DMD: variants seen among roughly 807,000 people sequenced by gnomAD.
DMD encodes the protein mutant dystrophin.
DMD carries 63 observed loss-of-function variants against 330.1 expected under a neutral mutation model. That is an observed-to-expected ratio of 0.19 (90% CI 0.16 to 0.24). The LOEUF (loss-of-function observed/expected upper bound fraction) is 0.24. Among genes scored for constraint, DMD ranks in the 10% least tolerant of loss-of-function variants. The probability of loss-of-function intolerance (pLI) is 1.00; values close to 1 mark genes in which losing one functional copy is unlikely to be tolerated. For missense variants in DMD, 3,344 were observed against 2,684.1 expected (o/e 1.25, Z -5.43); for synonymous variants, 1,223 against 959.8 (o/e 1.27, Z -5.07).
chrX:32,017,716 A>G (rs1322036000), intron 44 of DMD, among the ~76,000 whole-genome samples: 2 of 111,933 alleles, frequency 1.8e-5, no homozygotes, highest in Non-Finnish European at 3.8e-5. Context: ...TTCCTGGTGT[A>G]GTGCCTTTCA....
At chrX:31,413,060 T>C (rs1414521264) in intron 60 of DMD, among the ~76,000 whole-genome samples, 1 of 112,195 alleles carries the variant, frequency 8.9e-6, no homozygotes, top group Non-Finnish European at 1.9e-5. Context: ...ACAATCTTGG[T>C]TGCCCTGCTG....
At chrX:31,493,163 C>A (rs1007944107) in intron 57 of DMD, among the ~76,000 whole-genome samples, 1 of 111,894 alleles carries the variant, frequency 8.9e-6, no homozygotes, top group South Asian at 3.7e-4. Flanking sequence ...GTCTCAATAG[C>A]CTTCCTTTAT....
intron 71 of DMD, among the ~76,000 whole-genome samples, chrX:31,177,531 C>G (rs932997893): frequency 1.8e-5 from 2 of 111,449 alleles, no homozygotes; most frequent in African/African-American, 6.5e-5. Context: ...TAAAAAGCAT[C>G]GAATCTCAAG....
intron 52 of DMD, among the ~76,000 whole-genome samples, chrX:31,721,712 C>CTATATATA (rs2085547634): frequency 3.2e-5 from 2 of 62,050 alleles, no homozygotes; most frequent in East Asian, 4.8e-4. Context: ...CTCTCTCTCT[C>CTATATATA]TCTCTCTATA....
intron 12 of DMD, among the ~76,000 whole-genome samples, chrX:32,601,238 G>A (rs1035129388): frequency 1.8e-5 from 2 of 110,925 alleles, no homozygotes; most frequent in African/African-American, 6.5e-5. Flanking sequence ...ATCTATTTAC[G>A]GTATATAACT....
At chrX:32,558,766 A>C (rs779706199) in intron 16 of DMD, among the ~76,000 whole-genome samples, 117 of 110,759 alleles carry the variant, frequency 1.1e-3, no homozygotes, top group African/African-American at 3.7e-3. Flanking sequence ...CTCAGACTGA[A>C]TGTATTAAAT....
At chrX:32,611,342 T>A (rs1409404943) in intron 12 of DMD, among the ~76,000 whole-genome samples, 2 of 111,111 alleles carry the variant, frequency 1.8e-5, no homozygotes, top group Non-Finnish European at 3.8e-5. Flanking sequence ...TTATGCCCTT[T>A]AAATAAATAA....
chrX:32,261,293 A>G (rs767478788), intron 43 of DMD, among the ~76,000 whole-genome samples: 1 of 111,992 alleles, frequency 8.9e-6, no homozygotes, highest in East Asian at 2.8e-4. Context: ...CTCTTTCAAA[A>G]GAAACAGTGA....
chrX:33,318,330 T>A (rs1413439293), intron 1 of DMD, among the ~76,000 whole-genome samples: 1 of 111,294 alleles, frequency 9.0e-6, no homozygotes, highest in Admixed American at 9.6e-5. Flanking sequence ...ACAATTAATT[T>A]GTTTTGATCT....
intron 43 of DMD, among the ~76,000 whole-genome samples, chrX:32,269,472 C>G (rs1273266546): frequency 8.9e-6 from 1 of 111,987 alleles, no homozygotes; most frequent in African/African-American, 3.2e-5. Flanking sequence ...TTGCCTCAGT[C>G]TCTTCTTCTG....
At chrX:31,509,072 A>G (rs1041236592) in intron 55 of DMD, among the ~76,000 whole-genome samples, 2 of 111,380 alleles carry the variant, frequency 1.8e-5, no homozygotes, top group African/African-American at 6.5e-5. Context: ...TCACATCAGA[A>G]GTTGAAAGAA....
At chrX:32,570,028 T>G (rs1276863499) in intron 15 of DMD, among the ~76,000 whole-genome samples, 1 of 111,636 alleles carries the variant, frequency 9.0e-6, no homozygotes, top group Non-Finnish European at 1.9e-5. Context: ...TAAAAAATAA[T>G]AGATCTACAT....
Position 32,478,219 on chromosome X carries a change from G to A in DMD, c.2804-5910C>T, listed in dbSNP as rs373398639. Reference sequence around the variant, plus strand: ...GAAGTCCTGTTGTGAATATGAAATCGAGTCCAATTTGAATTCCCCATTATT... The same window carrying A: ...GAAGTCCTGTTGTGAATATGAAATCAAGTCCAATTTGAATTCCCCATTATT... On this transcript the variant is annotated intron_variant, in intron 21 of 78. Coordinates refer to ENST00000357033, the MANE Select transcript of DMD (RefSeq NM_004006.3). Among the ~76,000 whole-genome samples, 11 of 111,012 alleles carry A rather than the reference G, an allele frequency of 9.9e-5. No homozygotes were observed. In the East Asian group the frequency reaches 1.1e-3, roughly 11 times the overall value.
chrX:31,767,698 A>T (rs755599022), intron 51 of DMD, among the ~76,000 whole-genome samples: 4 of 111,927 alleles, frequency 3.6e-5, no homozygotes, highest in African/African-American at 1.3e-4. Flanking sequence ...TGTCCCATCA[A>T]TTCTTCCAGG....
chrX:31,331,176 T>C (rs1480335590), intron 61 of DMD, among the ~76,000 whole-genome samples: 4 of 111,631 alleles, frequency 3.6e-5, no homozygotes, highest in African/African-American at 6.5e-5. Flanking sequence ...GTAAATATTA[T>C]ATGAGCTGTC....
chrX:32,468,329 G>A (rs959044766), intron 23 of DMD, among the ~76,000 whole-genome samples, 169 bp downstream of exon 23: 9 of 110,991 alleles, frequency 8.1e-5, no homozygotes, highest in African/African-American at 2.6e-4. Context: ...TTCCTAGAAG[G>A]AATAAGCAAA....
At chrX:32,971,006 G>C (rs1408341641) in intron 2 of DMD, among the ~76,000 whole-genome samples, 2 of 110,180 alleles carry the variant, frequency 1.8e-5, no homozygotes, top group African/African-American at 6.6e-5. Context: ...TTGTTGCCCA[G>C]GCTGGAGTGC....
intron 5 of DMD, among the ~76,000 whole-genome samples, chrX:32,822,916 A>T (rs1255617954): frequency 9.0e-6 from 1 of 111,707 alleles, no homozygotes; most frequent in Non-Finnish European, 1.9e-5. Flanking sequence ...ATTTATGTTA[A>T]GAATACCCAA....
chrX:32,445,630 CAGA>C, intron 27 of DMD, among the ~76,000 whole-genome samples: 1 of 110,429 alleles, frequency 9.1e-6, no homozygotes, highest in Non-Finnish European at 1.9e-5. Flanking sequence ...AACTACCAGG[CAGA>C]AGGTGAAATT....
Sources: allele counts gnomAD v4.1 joint callset (sites outside exome capture counted in the v4.1 genomes callset), GRCh38; gene constraint gnomAD v4.1.1; transcripts MANE v1.5; gene names NCBI Gene and HGNC (gene_info 2026-07-23, HGNC 2026-07-21).